The following SLC35F4 variants were observed in gnomAD, a reference collection of about 807,000 sequenced individuals.
The protein encoded by SLC35F4 is solute carrier family 35 member F4, also known as chromosome 14 open reading frame 36.
A neutral mutation model predicts 44.2 loss-of-function variants in SLC35F4; 24 were observed. That is an observed-to-expected ratio of 0.54 (90% confidence interval 0.39 to 0.76). SLC35F4 has a LOEUF of 0.76. SLC35F4 is among the 30% of genes least tolerant of loss of function. The probability of loss-of-function intolerance (pLI) is 0.00; values close to 1 mark genes in which losing one functional copy is unlikely to be tolerated. For synonymous variants in SLC35F4, 238 were observed against 223.6 expected, an observed-to-expected ratio of 1.06 and a Z score of -0.57; for missense variants, 562 against 586.1, an observed-to-expected ratio of 0.96 and a Z score of 0.42.
chr14:57,623,167 C>T lies in SLC35F4; in HGVS notation c.104-29043G>A, dbSNP rs1175665057. ...AAAGCAGAGGTTGCAATCCTATTCT[C>T]TGAAAAAACCCAGATATTAAACCAA... On this transcript the variant is annotated intron_variant, in intron 1 of 7. Coordinates refer to ENST00000556826, the MANE Select transcript of SLC35F4 (RefSeq NM_001306087.2). Among the ~76,000 whole-genome samples the T allele has an allele frequency of 2.0e-5, 3 of 152,044 alleles. No individual in the cohort carries two copies. In the East Asian group the frequency reaches 5.8e-4, roughly 29 times the overall value.
chr14:57,927,306 T>C (rs1456415412), intron 1 of SLC35F4, among the ~76,000 whole-genome samples: 1 of 152,186 alleles, frequency 6.6e-6, no homozygotes, highest in African/African-American at 2.4e-5. Context: ...TCCTTGCGTC[T>C]CAAAAGATCT....
At chr14:57,748,363 CA>C (rs2076807638) in intron 1 of SLC35F4, among the ~76,000 whole-genome samples, 1 of 152,124 alleles carries the variant, frequency 6.6e-6, no homozygotes. Context: ...TTTACCGCCA[CA>C]GTCAAGATAT....
At chr14:57,798,052 C>A (rs1555389995) in intron 1 of SLC35F4, among the ~76,000 whole-genome samples, 1 of 142,260 alleles carries the variant, frequency 7.0e-6, no homozygotes, top group Non-Finnish European at 1.5e-5. Context: ...AGTCTTGAAC[C>A]AAGCCTGCAG....
intron 1 of SLC35F4, among the ~76,000 whole-genome samples, chr14:57,698,551 A>G (rs2075446513): frequency 6.6e-6 from 1 of 152,164 alleles, no homozygotes; most frequent in African/African-American, 2.4e-5. Flanking sequence ...TCAAGCAGAT[A>G]ATGGAATTGG....
chr14:57,858,621 T>G lies in SLC35F4; in HGVS notation c.103+7102A>C, dbSNP rs563442887. On this transcript the variant is annotated intron_variant, in intron 1 of 7. Coordinates refer to ENST00000556826, the MANE Select transcript of SLC35F4 (RefSeq NM_001306087.2). ...GTGCAGCACACCAACACGGCGCATG[T>G]ATACATATGTAACAAACCTGCACAT... Among the ~76,000 whole-genome samples the G allele has an allele frequency of 3.6e-3, 551 of 151,680 alleles. 7 individuals are homozygous for G. The highest frequency in any genetic ancestry group is 0.012 in the African/African-American group (502 of 41,116).
intron 1 of SLC35F4, among the ~76,000 whole-genome samples, chr14:57,860,665 A>G (rs913776660): frequency 2.0e-5 from 3 of 152,220 alleles, no homozygotes; most frequent in African/African-American, 7.2e-5. Flanking sequence ...CCCCAAAAAT[A>G]TCAATAATGG....
In SLC35F4 at chr14:57,910,116, C is replaced by A. The variant is rs906329208; in HGVS notation, n.282+71797G>T. 8.5e-5 allele frequency among the ~76,000 whole-genome samples: 13 copies of A among 152,182 alleles called. 1 individual carries two copies. The highest frequency in any genetic ancestry group is 7.2e-4 in the Admixed American group (11 of 15,278). On this transcript the variant is annotated intron_variant and non_coding_transcript_variant, in intron 1 of 1. Coordinates refer to the SLC35F4 transcript ENST00000556568. ...TGTCTTCTTTGGTGAGGTATCTGTT[C>A]AAGTCTTTTGCCTATTTTTTTTATC...
intron 3 of SLC35F4, among the ~76,000 whole-genome samples, chr14:57,583,414 C>T (rs2069444240): frequency 6.6e-6 from 1 of 152,160 alleles, no homozygotes; most frequent in Admixed American, 6.5e-5. Context: ...CAACAAAACC[C>T]ATTCCTGATT....
chr14:57,870,321 G>T (rs138247253), upstream of SLC35F4, among the ~76,000 whole-genome samples: 298 of 152,178 alleles, frequency 2.0e-3, 2 homozygotes, highest in African/African-American at 6.8e-3. Flanking sequence ...GTACAGCACA[G>T]TGGTTTAAAG....
intron 2 of SLC35F4, among the ~76,000 whole-genome samples, chr14:57,591,790 G>A (rs2070198308): frequency 6.6e-6 from 1 of 152,178 alleles, no homozygotes. Flanking sequence ...TAAGAGAAAG[G>A]TGTACCCTAC....
intron 1 of SLC35F4, among the ~76,000 whole-genome samples, chr14:57,899,839 G>A (rs914767208): frequency 2.6e-5 from 4 of 152,138 alleles, no homozygotes; most frequent in Admixed American, 2.6e-4. Flanking sequence ...TGCGGTGAGT[G>A]TTACAGCTCT....
intron 1 of SLC35F4, among the ~76,000 whole-genome samples, chr14:57,712,054 C>T (rs2075829980): frequency 6.6e-6 from 1 of 152,164 alleles, no homozygotes; most frequent in Non-Finnish European, 1.5e-5. Context: ...CATCCTAGAT[C>T]TTGGATTATT....
intron 1 of SLC35F4, among the ~76,000 whole-genome samples, chr14:57,652,553 G>A (rs565686711): frequency 6.6e-6 from 1 of 152,254 alleles, no homozygotes; most frequent in South Asian, 2.1e-4. Context: ...GTCATAACTG[G>A]GAGGTGGGTG....
In SLC35F4 at chr14:57,946,284, T is replaced by C. The variant is rs113763402; in HGVS notation, n.282+35629A>G. Among the ~76,000 whole-genome samples, 354 of 152,216 alleles carry C rather than the reference T, an allele frequency of 2.3e-3. 1 individual carries two copies. Among genetic ancestry groups the C allele is most frequent in the Middle Eastern group, 6.8e-3 (2 of 294 alleles). On this transcript the variant is annotated intron_variant and non_coding_transcript_variant, in intron 1 of 1. Coordinates refer to the SLC35F4 transcript ENST00000556568. ...GTCTTAGATGTATGCCTTTGATCCATCTTGAGTTGATTTTTACACAAGGTG... is the reference window on the plus strand; with the variant it reads ...GTCTTAGATGTATGCCTTTGATCCACCTTGAGTTGATTTTTACACAAGGTG...
At chr14:57,949,722 AGTG>A (rs1890101134) in intron 1 of SLC35F4, among the ~76,000 whole-genome samples, 1 of 152,150 alleles carries the variant, frequency 6.6e-6, no homozygotes, top group South Asian at 2.1e-4. Context: ...CTAGTTCTCT[AGTG>A]GTGAATTCTC....
At chr14:57,895,659 G>A (rs779067597) in intron 1 of SLC35F4, among the ~76,000 whole-genome samples, 23 of 151,266 alleles carry the variant, frequency 1.5e-4, no homozygotes, top group Non-Finnish European at 2.9e-4. Flanking sequence ...GGTTGTTTTC[G>A]CTTCACCTTC....
In SLC35F4 at chr14:57,849,793, C is replaced by G. The variant is rs529935778; in HGVS notation, c.103+15930G>C. 4.6e-5 allele frequency among the ~76,000 whole-genome samples: 7 copies of G among 152,288 alleles called. No individual in the cohort carries two copies. In the East Asian group the frequency reaches 1.3e-3, roughly 29 times the overall value. ...AGCCATTACATCAGAAACCATACCT[C>G]TCAAATTCATACTGCTTAAGCCAAT... On this transcript the variant is annotated intron_variant, in intron 1 of 7. Coordinates refer to ENST00000556826, the MANE Select transcript of SLC35F4 (RefSeq NM_001306087.2).
At chr14:57,795,796 T>A (rs1325464305) in intron 1 of SLC35F4, among the ~76,000 whole-genome samples, 1 of 152,238 alleles carries the variant, frequency 6.6e-6, no homozygotes, top group Non-Finnish European at 1.5e-5. Flanking sequence ...TCACTTTTTT[T>A]TCCTTCCAAC....
At chr14:57,896,499 C>T in intron 1 of SLC35F4, among the ~76,000 whole-genome samples, 1 of 152,138 alleles carries the variant, frequency 6.6e-6, no homozygotes. Context: ...ACATTCCCTT[C>T]TTGATCTGGG....
Sources: gnomAD v4.1 joint callset for allele counts (sites outside exome capture counted in the v4.1 genomes callset) on GRCh38, gnomAD v4.1.1 for gene constraint, MANE v1.5 for transcripts, NCBI Gene and HGNC (gene_info 2026-07-23, HGNC 2026-07-21) for gene names.